Variants in HSD17B3 observed in about 807,000 individuals in gnomAD.
HSD17B3 encodes hydroxysteroid 17-beta dehydrogenase 3.
In HSD17B3, 29 loss-of-function variants were observed where a neutral mutation model predicts 41.1. That is an observed-to-expected ratio of 0.71 (90% CI 0.53 to 0.96). The LOEUF (loss-of-function observed/expected upper bound fraction) is 0.96. Ranked by LOEUF, HSD17B3 falls within the 40% of genes least tolerant of loss-of-function variation. The probability of loss-of-function intolerance (pLI) is 0.00; values close to 1 mark genes in which losing one functional copy is unlikely to be tolerated. For synonymous variants in HSD17B3, 126 were observed against 145.6 expected, an observed-to-expected ratio of 0.87 and a Z score of 0.97; for missense variants, 323 against 374.6, an observed-to-expected ratio of 0.86 and a Z score of 1.14.
intron 10 of HSD17B3, among the ~76,000 whole-genome samples, chr9:96,240,473 C>A (rs1927882): frequency 1.3e-5 from 2 of 151,930 alleles, no homozygotes; most frequent in African/African-American, 4.8e-5. Context: ...CACGTGGAAG[C>A]GCCATATATC....
chr9:96,274,936 C>T (rs1201620801), intron 2 of HSD17B3, among the ~76,000 whole-genome samples: 1 of 152,072 alleles, frequency 6.6e-6, no homozygotes, highest in East Asian at 1.9e-4. Flanking sequence ...ATTAAGAATA[C>T]TCTGAGACAC....
At chr9:96,255,070 T>C in intron 2 of HSD17B3, 127 bp from the exon 3 acceptor site, 1 of 802,116 alleles carries the variant, frequency 1.2e-6, no homozygotes, top group East Asian at 2.7e-5. Flanking sequence ...CACCTGGGTT[T>C]AAGTGTGCAG....
intron 2 of HSD17B3, among the ~76,000 whole-genome samples, chr9:96,280,263 T>A (rs1243166558): frequency 6.6e-6 from 1 of 152,216 alleles, no homozygotes; most frequent in Non-Finnish European, 1.5e-5. Context: ...AGACTTAGAA[T>A]TGTATTTTTG....
chr9:96,258,432 G>C (rs968060671), intron 2 of HSD17B3, among the ~76,000 whole-genome samples: 3 of 152,152 alleles, frequency 2.0e-5, no homozygotes, highest in African/African-American at 7.2e-5. Flanking sequence ...GCCTGAGACT[G>C]TTTCTGGTCT....
intron 2 of HSD17B3, among the ~76,000 whole-genome samples, chr9:96,259,261 G>C (rs1017923547): frequency 3.3e-5 from 5 of 152,168 alleles, no homozygotes; most frequent in African/African-American, 1.2e-4. Flanking sequence ...ACAATGAGTT[G>C]TTCCTGCCAC....
At chr9:96,268,874 A>G (rs111840831) in intron 2 of HSD17B3, among the ~76,000 whole-genome samples, 16 of 152,236 alleles carry the variant, frequency 1.1e-4, no homozygotes, top group Non-Finnish European at 2.2e-4. Flanking sequence ...GCTTGAACCC[A>G]GGAGGCAGAG....
At chr9:96,296,092 T>C (rs756060974) in intron 2 of HSD17B3, among the ~76,000 whole-genome samples, 2 of 151,808 alleles carry the variant, frequency 1.3e-5, no homozygotes, top group Non-Finnish European at 2.9e-5. Flanking sequence ...GTACAAAAAA[T>C]TTAAAAATTA....
intron 9 of HSD17B3, among the ~76,000 whole-genome samples, chr9:96,242,995 A>C (rs1836512895): frequency 6.6e-6 from 1 of 152,170 alleles, no homozygotes; most frequent in Non-Finnish European, 1.5e-5. Context: ...TCTGGGCCAG[A>C]GCATTTCATT....
intron 2 of HSD17B3, among the ~76,000 whole-genome samples, chr9:96,294,697 T>C (rs1827280605): frequency 2.0e-5 from 3 of 152,164 alleles, no homozygotes; most frequent in Admixed American, 2.0e-4. Context: ...GGGTGAGAAA[T>C]CGTTATATAA....
intron 1 of HSD17B3, among the ~76,000 whole-genome samples, 188 bp downstream of exon 1, chr9:96,301,763 C>T (rs866744336): frequency 3.3e-5 from 5 of 150,566 alleles, no homozygotes; most frequent in African/African-American, 4.9e-5. Context: ...CGCCTATAAT[C>T]CCAGCTACTT....
intron 2 of HSD17B3, among the ~76,000 whole-genome samples, chr9:96,267,195 C>A (rs1250147411): frequency 6.7e-6 from 1 of 149,300 alleles, no homozygotes; most frequent in African/African-American, 2.5e-5. Flanking sequence ...CTTGCTCTGT[C>A]GCCCAGGCTG....
chr9:96,301,514 C>A (rs959032700), intron 1 of HSD17B3, among the ~76,000 whole-genome samples: 77 of 150,806 alleles, frequency 5.1e-4, no homozygotes, highest in African/African-American at 1.8e-3. Context: ...AGTTCGAGAC[C>A]AGCCTGGCCA....
chr9:96,264,919 CAA>C (rs1448350681), intron 2 of HSD17B3, among the ~76,000 whole-genome samples: 2 of 152,114 alleles, frequency 1.3e-5, no homozygotes, highest in Non-Finnish European at 2.9e-5. Context: ...TACATTCTGA[CAA>C]AATAGTTTTA....
intron 2 of HSD17B3, among the ~76,000 whole-genome samples, chr9:96,292,364 T>C (rs1827190555): frequency 1.3e-5 from 2 of 152,176 alleles, no homozygotes; most frequent in African/African-American, 4.8e-5. Context: ...AATTTGTTTT[T>C]ATTGATTTAT....
intron 8 of HSD17B3, 72 bp from the exon 9 acceptor site, chr9:96,244,466 CA>C: frequency 7.2e-7 from 1 of 1,382,218 alleles, no homozygotes. Context: ...CCTCTGACTT[CA>C]AGGGGCACTG....
At chr9:96,293,394 T>C (rs1414112844) in intron 2 of HSD17B3, among the ~76,000 whole-genome samples, 3 of 152,204 alleles carry the variant, frequency 2.0e-5, no homozygotes, top group Non-Finnish European at 4.4e-5. Context: ...ATAGATGGCC[T>C]GTGGACTTGA....
intron 2 of HSD17B3, among the ~76,000 whole-genome samples, chr9:96,269,556 T>C (rs749266266): frequency 6.6e-6 from 1 of 152,200 alleles, no homozygotes; most frequent in African/African-American, 2.4e-5. Context: ...GTTCATTTCA[T>C]TCATCCATGT....
At chr9:96,248,158 G>T (rs28565462) in intron 6 of HSD17B3, among the ~76,000 whole-genome samples, 2,137 of 152,252 alleles carry the variant, frequency 0.014, 48 homozygotes, top group African/African-American at 0.049. Context: ...GACTTTAGTG[G>T]TAAGGCTGCA....
At chr9:96,299,770 A>G (rs1419906467) in intron 1 of HSD17B3, among the ~76,000 whole-genome samples, 2 of 152,150 alleles carry the variant, frequency 1.3e-5, no homozygotes, top group South Asian at 4.1e-4. Context: ...TACACTAAGA[A>G]AAGAATTAGG....
Sources: allele counts gnomAD v4.1 joint callset (sites outside exome capture counted in the v4.1 genomes callset), GRCh38; gene constraint gnomAD v4.1.1; transcripts MANE v1.5; gene names NCBI Gene and HGNC (gene_info 2026-07-23, HGNC 2026-07-21).